PRDM5: variants seen among roughly 807,000 people sequenced by gnomAD.
PRDM5 encodes the protein PR/SET domain 5.
A neutral mutation model predicts 81.2 loss-of-function variants in PRDM5; 56 were observed. That is an observed-to-expected ratio of 0.69 (90% CI 0.56 to 0.86). PRDM5 has a LOEUF of 0.86. Among genes scored for constraint, PRDM5 ranks in the 40% least tolerant of loss-of-function variants. The probability of loss-of-function intolerance (pLI) is 0.00; values close to 1 mark genes in which losing one functional copy is unlikely to be tolerated. For synonymous variants in PRDM5, 267 were observed against 256.4 expected, an observed-to-expected ratio of 1.04 and a Z score of -0.39; for missense variants, 697 against 770.1, an observed-to-expected ratio of 0.91 and a Z score of 1.12.
intron 14 of PRDM5, among the ~76,000 whole-genome samples, chr4:120,720,479 A>G (rs1440755932): frequency 6.6e-6 from 1 of 152,208 alleles, no homozygotes; most frequent in African/African-American, 2.4e-5. Flanking sequence ...AGGGTTTGCA[A>G]GTGTGGCCCC....
chr4:120,871,492 G>C (rs866075127), intron 2 of PRDM5, among the ~76,000 whole-genome samples: 8 of 152,126 alleles, frequency 5.3e-5, no homozygotes, highest in African/African-American at 1.9e-4. Context: ...TTCTCTCCCT[G>C]TAATCTGACC....
At position 120,754,604 on chromosome 4, in the gene PRDM5, T is replaced by G; in HGVS notation, c.1572A>C (p.Lys524Asn). Residue 524 changes from lysine (K) to asparagine (N), a missense_variant, in exon 14 of 16, where the codon AAA becomes AAC. By Grantham distance (94) the Lys-to-Asn change is moderately conservative (BLOSUM62 0). Coordinates refer to ENST00000264808, the MANE Select transcript of PRDM5 (RefSeq NM_018699.4). ...ERPYQCPYCEKGFSKNDGLKM... is the reference protein window; with the variant it reads ...ERPYQCPYCENGFSKNDGLKM... Reference sequence around the variant, plus strand: ...TCAGTCCATCATTTTTACTGAATCCTTTTTCACAGTAAGGACATTGATAGG... The same window carrying G: ...TCAGTCCATCATTTTTACTGAATCCGTTTTCACAGTAAGGACATTGATAGG... The G allele has an allele frequency of 6.2e-7, 1 of 1,600,232 alleles. No individual in the cohort carries two copies. Among genetic ancestry groups the G allele is most frequent in the Non-Finnish European group, 8.6e-7 (1 of 1,167,796 alleles).
At chr4:120,911,441 C>T (rs1766495806) in intron 1 of PRDM5, among the ~76,000 whole-genome samples, 1 of 152,178 alleles carries the variant, frequency 6.6e-6, no homozygotes, top group South Asian at 2.1e-4. Flanking sequence ...CATAATGGAG[C>T]ATCTTTGTTT....
chr4:120,699,155 AATATAAAT>A lies in PRDM5; in HGVS notation c.1729-3888_1729-3881del, dbSNP rs1399806465. Among the ~76,000 whole-genome samples the A allele has an allele frequency of 2.4e-3, 219 of 89,546 alleles. 1 individual carries two copies. Among genetic ancestry groups the A allele is most frequent in the Middle Eastern group, 0.019 (3 of 156 alleles). The allele number at this position is 89,546 out of a possible 152,430, so 58.7% of individuals were successfully genotyped here. The stretch of plus-strand genomic sequence containing the variant: ...AACAAATGTATAGGCAATTATAGGA[AATATAAAT>A]ATATATATATATATATATATATATA... On this transcript the variant is annotated intron_variant, in intron 15 of 15. Transcript: ENST00000264808.
chr4:120,710,521 T>C, intron 14 of PRDM5, 108 bp from the exon 15 acceptor site: 1 of 873,020 alleles, frequency 1.1e-6, no homozygotes, highest in South Asian at 1.4e-5. Flanking sequence ...GCAGCAAATT[T>C]ACAGGTATGC....
At chr4:120,734,781 C>A (rs561442727) in intron 14 of PRDM5, among the ~76,000 whole-genome samples, 1 of 152,286 alleles carries the variant, frequency 6.6e-6, no homozygotes, top group East Asian at 1.9e-4. Context: ...GCAGACTAAA[C>A]GCTCCTCTGT....
intron 8 of PRDM5, among the ~76,000 whole-genome samples, chr4:120,803,223 A>G (rs1752394170): frequency 6.6e-6 from 1 of 152,212 alleles, no homozygotes; most frequent in South Asian, 2.1e-4. Context: ...GACAAAATCT[A>G]CATCTGATTG....
chr4:120,863,156 TAAAAA>T (rs66499146), intron 2 of PRDM5, among the ~76,000 whole-genome samples: 1 of 40,132 alleles, frequency 2.5e-5, no homozygotes, highest in Non-Finnish European at 4.1e-5. Context: ...AGACTCTGTC[TAAAAA>T]AAAAAAAAAA....
chr4:120,754,108 C>T (rs1457645552), intron 14 of PRDM5, among the ~76,000 whole-genome samples: 1 of 152,166 alleles, frequency 6.6e-6, no homozygotes, highest in Non-Finnish European at 1.5e-5. Flanking sequence ...TTATTTTCCA[C>T]CTGTCCTGGT....
At chr4:120,871,919 G>A (rs1159392753) in intron 2 of PRDM5, among the ~76,000 whole-genome samples, 2 of 151,986 alleles carry the variant, frequency 1.3e-5, no homozygotes, top group Non-Finnish European at 2.9e-5. Flanking sequence ...TTGGGAGGCC[G>A]AGGTGGGCAG....
At chr4:120,739,903 G>A (rs902129768) in intron 14 of PRDM5, among the ~76,000 whole-genome samples, 3 of 152,076 alleles carry the variant, frequency 2.0e-5, no homozygotes, top group Non-Finnish European at 4.4e-5. Flanking sequence ...CAAGTGGGTT[G>A]ATGACCATCA....
intron 14 of PRDM5, among the ~76,000 whole-genome samples, chr4:120,731,295 T>A (rs892326500): frequency 4.0e-5 from 6 of 150,802 alleles, no homozygotes; most frequent in African/African-American, 1.5e-4. Flanking sequence ...AGAGAAGGGG[T>A]CCCTCACCCG....
intron 1 of PRDM5, among the ~76,000 whole-genome samples, chr4:120,915,106 C>G (rs1455677152): frequency 6.6e-6 from 1 of 152,104 alleles, no homozygotes; most frequent in African/African-American, 2.4e-5. Context: ...ACAATTCATC[C>G]ATGTAACCAA....
chr4:120,808,390 G>T (rs1421047560), intron 8 of PRDM5, among the ~76,000 whole-genome samples: 1 of 152,042 alleles, frequency 6.6e-6, no homozygotes, highest in Non-Finnish European at 1.5e-5. Flanking sequence ...AGTGTTGATT[G>T]GTGCATTCAC....
At chr4:120,793,660 T>G (rs1750909646) in intron 10 of PRDM5, among the ~76,000 whole-genome samples, 1 of 152,204 alleles carries the variant, frequency 6.6e-6, no homozygotes, top group Non-Finnish European at 1.5e-5. Context: ...CAAATAAAAA[T>G]TGTATCTATA....
chr4:120,696,241 A>C (rs1734506369), intron 15 of PRDM5, among the ~76,000 whole-genome samples: 1 of 152,134 alleles, frequency 6.6e-6, no homozygotes, highest in South Asian at 2.1e-4. Flanking sequence ...TTAGAGTCTG[A>C]TCACTTTCCA....
At chr4:120,861,477 AT>A (rs1213605489) in intron 2 of PRDM5, among the ~76,000 whole-genome samples, 26 of 152,174 alleles carry the variant, frequency 1.7e-4, no homozygotes, top group African/African-American at 6.3e-4. Flanking sequence ...AGATCCAGAG[AT>A]CACAGTCTTG....
intron 2 of PRDM5, among the ~76,000 whole-genome samples, chr4:120,875,863 T>C (rs1429652571): frequency 6.6e-6 from 1 of 152,194 alleles, no homozygotes; most frequent in Non-Finnish European, 1.5e-5. Context: ...AGTGGGTAAG[T>C]AATTCAAGCC....
At chr4:120,723,165 CAA>C (rs1264795688) in intron 14 of PRDM5, among the ~76,000 whole-genome samples, 1 of 152,260 alleles carries the variant, frequency 6.6e-6, no homozygotes, top group South Asian at 2.1e-4. Context: ...ACGAAAAATT[CAA>C]AGTCAGTGAC....
Sources: allele counts gnomAD v4.1 joint callset (sites outside exome capture counted in the v4.1 genomes callset), GRCh38; gene constraint gnomAD v4.1.1; transcripts MANE v1.5; gene names NCBI Gene and HGNC (gene_info 2026-07-23, HGNC 2026-07-21).